The following ERLIN2 variants were observed in gnomAD, a reference collection of about 807,000 sequenced individuals.
ERLIN2 encodes the protein erlin-2.
In ERLIN2, 22 loss-of-function variants were observed where a neutral mutation model predicts 41.5. The ratio of observed to expected loss-of-function variants is 0.53; its 90% CI spans 0.38 to 0.76. The LOEUF is 0.76. Among genes scored for constraint, ERLIN2 ranks in the 30% least tolerant of loss-of-function variants. The pLI is 0.00. For synonymous variants in ERLIN2, 149 were observed against 150.9 expected (o/e 0.99, Z 0.09); for missense variants, 247 against 414.3 (o/e 0.60, Z 3.51).
At chr8:37,742,126 G>A (rs1802871435) in intron 4 of ERLIN2, among the ~76,000 whole-genome samples, 1 of 151,970 alleles carries the variant, frequency 6.6e-6, no homozygotes, top group African/African-American at 2.4e-5. Flanking sequence ...GGTGGATCAT[G>A]AGGTCAGGAT....
At chr8:37,746,075 G>A in intron 6 of ERLIN2, 1 of 993,716 alleles carries the variant, frequency 1.0e-6, no homozygotes, top group South Asian at 4.5e-5. Flanking sequence ...GTATGGAGGA[G>A]CTGGGGAAAT....
rs748616454 is a variant in ERLIN2 at position 37,754,543 on chromosome 8, AG to A, written c.*429del. ...TAGGAGATGTCTGTGGGTGAGGCTC[AG>A]CAACTGAGCAAATATGTGCCTGTGA... On this transcript the variant is annotated 3_prime_UTR_variant, in exon 12 of 12. Coordinates refer to ENST00000519638, the MANE Select transcript of ERLIN2 (RefSeq NM_007175.8). The A allele has an allele frequency of 3.8e-6, 1 of 263,068 alleles. No individual in the cohort carries two copies. Among genetic ancestry groups the A allele is most frequent in the Non-Finnish European group, 7.5e-6 (1 of 134,032 alleles). The allele number at this position is 263,068 out of a possible 1,614,324, so 16.3% of individuals were successfully genotyped here. A position where few individuals can be genotyped will look rare whatever the true frequency, so the allele number is the denominator to read the frequency against.
chr8:37,741,070 A>G lies in ERLIN2; in HGVS notation c.189+624A>G, dbSNP rs912528408. 1.3e-5 allele frequency among the ~76,000 whole-genome samples: 2 copies of G among 152,200 alleles called. No individual in the cohort carries two copies. The highest frequency in any genetic ancestry group is 2.4e-5 in the African/African-American group (1 of 41,438). Reference sequence around the variant, plus strand: ...TGGCTTTCAAACTGCATTCAGGTACATTGTCTCATTTGAGTCTTGTAGTAA... The same window carrying G: ...TGGCTTTCAAACTGCATTCAGGTACGTTGTCTCATTTGAGTCTTGTAGTAA... On this transcript the variant is annotated intron_variant, in intron 3 of 11. Coordinates refer to ENST00000519638, the MANE Select transcript of ERLIN2 (RefSeq NM_007175.8). This position sits in a 1 kb window ranked among gnomAD's most constrained non-coding sequence, Gnocchi z 4.8.
intron 4 of ERLIN2, 91 bp from the exon 5 acceptor site, chr8:37,744,264 G>A: frequency 1.8e-6 from 2 of 1,124,652 alleles, no homozygotes; most frequent in South Asian, 1.2e-5. Flanking sequence ...CTCCTTTTCT[G>A]CCAAGCCCCA....
At chr8:37,745,594 A>G in intron 6 of ERLIN2, 2 of 1,614,134 alleles carry the variant, frequency 1.2e-6, no homozygotes, top group South Asian at 1.1e-5. Context: ...TTTCCCAGGA[A>G]TCTTCATAAA....
intron 10 of ERLIN2, among the ~76,000 whole-genome samples, chr8:37,752,780 T>C (rs1486272735): frequency 6.6e-6 from 1 of 152,216 alleles, no homozygotes; most frequent in Non-Finnish European, 1.5e-5. Context: ...AGAATATGAC[T>C]TGCATAGAGG....
Position 37,754,735 on chromosome 8 carries a change from C to G in ERLIN2, c.*620C>G, listed in dbSNP as rs1198427858. ...ATTTTGTATACACTTTGCTCCTTGC[C>G]CTAGGGCTCAGAGTGGTGGTTTCTG... On this transcript the variant is annotated 3_prime_UTR_variant, in exon 12 of 12. Coordinates refer to ENST00000519638, the MANE Select transcript of ERLIN2 (RefSeq NM_007175.8). 1 of 158,832 alleles carries G rather than the reference C, an allele frequency of 6.3e-6. No homozygotes were observed. Among genetic ancestry groups the G allele is most frequent in the Non-Finnish European group, 1.4e-5 (1 of 71,544 alleles). 9.8% of individuals were successfully genotyped at this position (158,832 alleles called of 1,614,324 possible).
At chr8:37,745,874 A>C (rs1803029060) in intron 6 of ERLIN2, 1 of 1,275,580 alleles carries the variant, frequency 7.8e-7, no homozygotes, top group Non-Finnish European at 9.9e-7. Context: ...ATAGAATTTT[A>C]TAAAATATTA....
chr8:37,739,067 T>C (rs1401038886), intron 2 of ERLIN2, among the ~76,000 whole-genome samples: 4 of 152,166 alleles, frequency 2.6e-5, no homozygotes, highest in African/African-American at 9.7e-5. Flanking sequence ...CACTTATAAG[T>C]CTTGGGTTGC....
intron 6 of ERLIN2, chr8:37,745,761 T>G: frequency 6.6e-7 from 1 of 1,507,310 alleles, no homozygotes; most frequent in Non-Finnish European, 8.9e-7. Flanking sequence ...GAATCTAAAT[T>G]CATTTTATAG....
At chr8:37,746,553 A>G (rs893458709) in intron 6 of ERLIN2, 1 of 960,668 alleles carries the variant, frequency 1.0e-6, no homozygotes. Context: ...ACAACAGATC[A>G]TTTTGTTTAT....
intron 5 of ERLIN2, 30 bp from the exon 6 acceptor site, chr8:37,744,540 TC>T (rs1671307415): frequency 6.2e-7 from 1 of 1,614,002 alleles, no homozygotes; most frequent in Admixed American, 1.7e-5. Context: ...TCTTGCCTTT[TC>T]TTATGCCAAG....
intron 4 of ERLIN2, among the ~76,000 whole-genome samples, chr8:37,742,613 A>G (rs1213913673): frequency 2.6e-5 from 4 of 152,160 alleles, no homozygotes; most frequent in Admixed American, 6.5e-5. Flanking sequence ...ATGAGAACAC[A>G]TGGACACATG....
rs907759783 is a variant in ERLIN2 at position 37,736,683 on chromosome 8, G to A, written c.-16+5G>A. On this transcript the variant is annotated splice_donor_5th_base_variant and intron_variant, in intron 1 of 11. Transcript: ENST00000519638. Reference sequence around the variant, plus strand: ...AGCGCCTGCAGGGACAGCCTGGTACGCGGCCCCCGCCCCTTCGTGCGCGCG... The same window carrying A: ...AGCGCCTGCAGGGACAGCCTGGTACACGGCCCCCGCCCCTTCGTGCGCGCG... 7 of 985,514 alleles carry A rather than the reference G, an allele frequency of 7.1e-6. No individual in the cohort carries two copies. Among genetic ancestry groups the A allele is most frequent in the East Asian group, 2.3e-4 (2 of 8,828 alleles). The allele number at this position is 985,514 out of a possible 1,614,324, so 61.0% of individuals were successfully genotyped here.
chr8:37,746,635 G>T, intron 6 of ERLIN2: 1 of 592,226 alleles, frequency 1.7e-6, no homozygotes, highest in Non-Finnish European at 2.1e-6. Context: ...CTAGCTGCCC[G>T]ACTAGAGGGC....
Position 37,753,382 on chromosome 8 carries a change from C to G in ERLIN2, c.740-68C>G, listed in dbSNP as rs113850832. ...GACCAGAACAGAGTCTTCCCATAGC[C>G]TCTGCACTTCCTGCAAAGAACTCAG... On this transcript the variant is annotated intron_variant, in intron 10 of 11. Coordinates refer to ENST00000519638, the MANE Select transcript of ERLIN2 (RefSeq NM_007175.8). 1,359 of 1,334,068 alleles carry G rather than the reference C, an allele frequency of 1.0e-3. 10 individuals are homozygous for G. The African/African-American group carries it at 0.017, about 16-fold the overall frequency. 82.6% of individuals were successfully genotyped at this position (1,334,068 alleles called of 1,614,324 possible).
At chr8:37,737,010 A>G (rs1802668613) in intron 1 of ERLIN2, 2 of 985,638 alleles carry the variant, frequency 2.0e-6, no homozygotes, top group Non-Finnish European at 2.4e-6. Flanking sequence ...CCGCCACGGT[A>G]AAATAAGCGC....
rs763731530 is a variant in ERLIN2 at position 37,749,868 on chromosome 8, G to C, written c.557+16G>C. ...ACGAGTTGATGTGAGTATACCCTCC[G>C]CCTGGGCTGTGACCACCACTGCCTC... On this transcript the variant is annotated intron_variant, in intron 8 of 11. Coordinates refer to ENST00000519638, the MANE Select transcript of ERLIN2 (RefSeq NM_007175.8). The C allele has an allele frequency of 7.4e-6, 12 of 1,612,560 alleles. No individual in the cohort carries two copies. Among genetic ancestry groups the C allele is most frequent in the Non-Finnish European group, 8.5e-6 (10 of 1,178,760 alleles).
chr8:37,739,706 CTAA>C (rs1351923901), intron 2 of ERLIN2, among the ~76,000 whole-genome samples: 1 of 152,074 alleles, frequency 6.6e-6, no homozygotes, highest in East Asian at 1.9e-4. Flanking sequence ...AACTCCTGAC[CTAA>C]TAATCCACTC....
Sources: gnomAD v4.1 joint callset for allele counts (sites outside exome capture counted in the v4.1 genomes callset) on GRCh38, gnomAD v4.1.1 for gene constraint, Gnocchi (gnomAD v3.1) non-coding constraint, MANE v1.5 for transcripts, NCBI Gene and HGNC (gene_info 2026-07-23, HGNC 2026-07-21) for gene names.